Variants in CAMK2D observed in about 807,000 individuals in gnomAD.
CAMK2D encodes calcium/calmodulin dependent protein kinase II delta, also known as calcium/calmodulin-dependent protein kinase type II subunit delta.
A neutral mutation model predicts 84.0 loss-of-function variants in CAMK2D; 37 were observed. The ratio of observed to expected loss-of-function variants is 0.44; its 90% CI spans 0.34 to 0.58. The LOEUF is 0.58. CAMK2D is among the 20% of genes least tolerant of loss of function. CAMK2D has a pLI of 0.02. For missense variants in CAMK2D, 448 were observed against 652.5 expected (o/e 0.69, Z 3.41); for synonymous variants, 202 against 212.5 (o/e 0.95, Z 0.43).
At position 113,640,041 on chromosome 4, in the gene CAMK2D, T is replaced by C. The variant is rs188721578; in HGVS notation, c.220+21672A>G. 4.4e-3 allele frequency among the ~76,000 whole-genome samples: 663 copies of C among 151,190 alleles called. 7 individuals carry two copies. The highest frequency in any genetic ancestry group is 0.015 in the African/African-American group (636 of 41,190). ...AGAACTGCTAAGTGCTTATATAAGT[T>C]GGCAAGGGAAGGAGAGGTAGAGAGG... is the stretch of plus-strand genomic sequence containing the variant. On this transcript the variant is annotated intron_variant, in intron 3 of 20. Transcript: ENST00000511664.
chr4:113,553,800 A>G (rs542449781), intron 4 of CAMK2D, among the ~76,000 whole-genome samples: 1 of 152,330 alleles, frequency 6.6e-6, no homozygotes, highest in Admixed American at 6.5e-5. Context: ...ATTAGAATCT[A>G]TAATAAGGCA....
chr4:113,573,761 C>A (rs1428848453), intron 4 of CAMK2D, among the ~76,000 whole-genome samples: 1 of 152,184 alleles, frequency 6.6e-6, no homozygotes, highest in Non-Finnish European at 1.5e-5. Flanking sequence ...AAGAAGGCTT[C>A]CTCCTTGAAG....
intron 4 of CAMK2D, among the ~76,000 whole-genome samples, chr4:113,608,873 G>A (rs1169831789): frequency 6.6e-6 from 1 of 152,052 alleles, no homozygotes; most frequent in African/African-American, 2.4e-5. Context: ...GTGCTACAAG[G>A]TAGAATTGAG....
chr4:113,683,104 T>A (rs944104700), intron 2 of CAMK2D, among the ~76,000 whole-genome samples: 1 of 152,166 alleles, frequency 6.6e-6, no homozygotes, highest in Non-Finnish European at 1.5e-5. Context: ...AATAAAAATC[T>A]AAGGAGCAAA....
At chr4:113,475,506 T>C (rs2154122659) in intron 16 of CAMK2D, among the ~76,000 whole-genome samples, 1 of 152,218 alleles carries the variant, frequency 6.6e-6, no homozygotes, top group East Asian at 1.9e-4. Flanking sequence ...CTTCCCCCCA[T>C]CTTCTTGCTA....
chr4:113,494,548 TCAGA>T (rs980785374), intron 16 of CAMK2D, among the ~76,000 whole-genome samples: 1 of 152,240 alleles, frequency 6.6e-6, no homozygotes, highest in African/African-American at 2.4e-5. Context: ...TTCAAAGCTG[TCAGA>T]CAGGGACATT....
intron 3 of CAMK2D, among the ~76,000 whole-genome samples, chr4:113,632,824 G>C (rs1263528104): frequency 6.6e-6 from 1 of 152,186 alleles, no homozygotes; most frequent in Non-Finnish European, 1.5e-5. Flanking sequence ...AGGAGTTTCA[G>C]ATCCAATACT....
chr4:113,641,563 G>A (rs2099132339), intron 3 of CAMK2D, among the ~76,000 whole-genome samples: 1 of 152,174 alleles, frequency 6.6e-6, no homozygotes, highest in Non-Finnish European at 1.5e-5. Flanking sequence ...AGAGGACAGG[G>A]AGCCTAGAGA....
intron 2 of CAMK2D, among the ~76,000 whole-genome samples, chr4:113,747,589 A>G (rs1480129294): frequency 6.6e-6 from 1 of 152,152 alleles, no homozygotes; most frequent in East Asian, 1.9e-4. Flanking sequence ...TATTGCAACT[A>G]TAGGAACTAC....
intron 2 of CAMK2D, among the ~76,000 whole-genome samples, chr4:113,734,616 C>G (rs1381280924): frequency 6.6e-6 from 1 of 151,326 alleles, no homozygotes; most frequent in Non-Finnish European, 1.5e-5. Flanking sequence ...GGTCCAAGCA[C>G]TAATGCCCAA....
At chr4:113,578,759 A>C (rs2098795317) in intron 4 of CAMK2D, among the ~76,000 whole-genome samples, 1 of 152,206 alleles carries the variant, frequency 6.6e-6, no homozygotes, top group Non-Finnish European at 1.5e-5. Context: ...TGCAAATTTT[A>C]AAAGTCATCG....
At chr4:113,713,417 A>C (rs1196654017) in intron 2 of CAMK2D, among the ~76,000 whole-genome samples, 1 of 148,546 alleles carries the variant, frequency 6.7e-6, no homozygotes, top group African/African-American at 2.4e-5. Context: ...TAATATTATT[A>C]TATTATATAT....
intron 16 of CAMK2D, among the ~76,000 whole-genome samples, chr4:113,488,300 G>A (rs1339056284): frequency 6.6e-6 from 1 of 152,120 alleles, no homozygotes; most frequent in South Asian, 2.1e-4. Flanking sequence ...ATTACACAAA[G>A]TGTGAGTCTG....
chr4:113,551,189 T>C (rs996852539), intron 5 of CAMK2D, among the ~76,000 whole-genome samples: 2 of 152,192 alleles, frequency 1.3e-5, no homozygotes, highest in African/African-American at 4.8e-5. Flanking sequence ...CAGGAAAATT[T>C]ACACCATGCA....
At chr4:113,572,236 G>T (rs769453754) in intron 4 of CAMK2D, among the ~76,000 whole-genome samples, 2 of 152,064 alleles carry the variant, frequency 1.3e-5, no homozygotes, top group African/African-American at 4.8e-5. Flanking sequence ...TGATAAAAAT[G>T]TTGAGGAAAG....
At chr4:113,543,937 G>A (rs1463905923) in intron 6 of CAMK2D, among the ~76,000 whole-genome samples, 5 of 151,840 alleles carry the variant, frequency 3.3e-5, no homozygotes, top group African/African-American at 7.3e-5. Context: ...GACTATAGGC[G>A]CCCGCCACCA....
chr4:113,632,678 C>T (rs1435662048), intron 3 of CAMK2D, among the ~76,000 whole-genome samples: 1 of 151,920 alleles, frequency 6.6e-6, no homozygotes, highest in East Asian at 1.9e-4. Context: ...TTCATATGAC[C>T]TGTAAGTCAT....
intron 2 of CAMK2D, among the ~76,000 whole-genome samples, chr4:113,725,491 G>A (rs1407339300): frequency 6.6e-6 from 1 of 151,968 alleles, no homozygotes; most frequent in East Asian, 1.9e-4. Context: ...GCCTATAAAG[G>A]AACAAGTCCC....
rs777541966 is a variant in CAMK2D at position 113,759,374 on chromosome 4, T to C, written c.106A>G (p.Thr36Ala). The change falls in exon 2 of 21, where the codon ACT (threonine) becomes GCT (alanine). Residue 36 changes from threonine (T) to alanine (A), a missense_variant. Thr to Ala is a moderately conservative substitution (Grantham distance 58). Around this residue, in one of 7 missense-constraint regions of CAMK2D, gnomAD observed 44 missense variants for 45.6 expected, o/e 0.96. Coordinates refer to ENST00000511664, the MANE Select transcript of CAMK2D (RefSeq NM_001321571.2). ...SVVRRCMKIP[T>A]GQEYAAKIIN... is the part of the protein sequence containing the mutation. ...ATTTTGGCAGCATATTCTTGTCCAGTAGGAATTTTCATACATCTTCTCACC... is the reference window on the plus strand; with the variant it reads ...ATTTTGGCAGCATATTCTTGTCCAGCAGGAATTTTCATACATCTTCTCACC... 10 of 1,608,234 alleles carry C rather than the reference T, an allele frequency of 6.2e-6. No homozygotes were observed. In the Admixed American group the frequency reaches 8.3e-5, roughly 13 times the overall value.
Sources: allele counts gnomAD v4.1 joint callset (sites outside exome capture counted in the v4.1 genomes callset), GRCh38; gene constraint gnomAD v4.1.1; regional missense constraint gnomAD v4.1.1; transcripts MANE v1.5; gene names NCBI Gene and HGNC (gene_info 2026-07-23, HGNC 2026-07-21).